SCUBE1: variants seen among roughly 807,000 people sequenced by gnomAD.
SCUBE1 encodes signal peptide, CUB domain and EGF like domain containing 1, also known as signal peptide, CUB and EGF-like domain-containing protein 1.
A neutral mutation model predicts 124.4 loss-of-function variants in SCUBE1; 59 were observed. The observed-to-expected ratio is 0.47, with a 90% CI of 0.38 to 0.59. The LOEUF is 0.59. Ranked by LOEUF, SCUBE1 falls within the 20% of genes least tolerant of loss-of-function variation. SCUBE1 has a pLI of 0.00. For missense variants in SCUBE1, 1,150 were observed against 1,371.2 expected (o/e 0.84, Z 2.55); for synonymous variants, 545 against 550.9 (o/e 0.99, Z 0.15).
chr22:43,316,725 T>A (rs1292752266), intron 3 of SCUBE1: 1 of 152,252 alleles, frequency 6.6e-6, no homozygotes, highest in Non-Finnish European at 1.5e-5. Context: ...TACCTTCTCT[T>A]TGAAGACCCC....
intron 21 of SCUBE1, among the ~76,000 whole-genome samples, chr22:43,206,074 A>G (rs1287680638): frequency 1.0e-5 from 1 of 96,088 alleles, no homozygotes; most frequent in African/African-American, 4.2e-5. Context: ...CCTCACCTCC[A>G]TCGACCATAC....
intron 6 of SCUBE1, among the ~76,000 whole-genome samples, chr22:43,241,785 T>C (rs1361955085): frequency 1.3e-5 from 2 of 152,220 alleles, no homozygotes; most frequent in African/African-American, 4.8e-5. Flanking sequence ...TTCAGACCAC[T>C]GTGTCATCCT....
intron 11 of SCUBE1, 143 bp downstream of exon 11, chr22:43,222,954 G>T: frequency 1.6e-6 from 2 of 1,229,138 alleles, no homozygotes; most frequent in Non-Finnish European, 2.2e-6. Flanking sequence ...AAACCAGACA[G>T]CTGCCTTAGG....
chr22:43,293,484 G>A (rs891744010), intron 3 of SCUBE1, among the ~76,000 whole-genome samples: 3 of 152,260 alleles, frequency 2.0e-5, no homozygotes, highest in Non-Finnish European at 2.9e-5. Flanking sequence ...CCAATGCTGC[G>A]AAGAGCCGGC....
chr22:43,287,766 G>C (rs1369914712), intron 4 of SCUBE1, among the ~76,000 whole-genome samples: 1 of 152,256 alleles, frequency 6.6e-6, no homozygotes, highest in African/African-American at 2.4e-5. Flanking sequence ...GGGAATCAGA[G>C]GTCACTTGTC....
rs1455310344 is a variant in SCUBE1 at position 43,319,925 on chromosome 22, T to G, written c.349+12A>C. On this transcript the variant is annotated intron_variant, in intron 3 of 21. Transcript: ENST00000360835. ...GTGTGCCCAGAGGGTAGGCTACAGC[T>G]GTATCACTCACCCAGGCAGTTGTGT... The G allele has an allele frequency of 1.2e-6, 2 of 1,613,822 alleles. No individual in the cohort carries two copies. Among genetic ancestry groups the G allele is most frequent in the East Asian group, 4.5e-5 (2 of 44,894 alleles).
In SCUBE1 at chr22:43,235,734, T is replaced by C. The variant is rs1922734140; in HGVS notation, c.844+3104A>G. 2.0e-5 allele frequency among the ~76,000 whole-genome samples: 3 copies of C among 152,248 alleles called. 1 individual carries two copies. The South Asian group carries it at 6.2e-4, about 32-fold the overall frequency. ...CCTGCTTCCTTCAGCTACAGTCACT[T>C]TCCCATCCTCCCAACTCCTCACTTG... On this transcript the variant is annotated intron_variant, in intron 7 of 21. Coordinates refer to ENST00000360835, the MANE Select transcript of SCUBE1 (RefSeq NM_173050.5).
intron 3 of SCUBE1, among the ~76,000 whole-genome samples, chr22:43,312,913 G>T (rs534614532): frequency 6.6e-6 from 1 of 152,200 alleles, no homozygotes; most frequent in Non-Finnish European, 1.5e-5. Flanking sequence ...ACTATGGGGC[G>T]GGGGTGGGCA....
At chr22:43,276,930 T>G (rs1924545794) in intron 4 of SCUBE1, among the ~76,000 whole-genome samples, 1 of 152,180 alleles carries the variant, frequency 6.6e-6, no homozygotes, top group Non-Finnish European at 1.5e-5. Context: ...CCTCAGCTTT[T>G]CCTGACTGCC....
intron 1 of SCUBE1, among the ~76,000 whole-genome samples, chr22:43,342,393 T>C (rs961303756): frequency 3.3e-5 from 5 of 152,030 alleles, no homozygotes; most frequent in African/African-American, 1.2e-4. Flanking sequence ...CCGGATCCTC[T>C]GCCTTCCTTC....
chr22:43,218,762 CAA>C (rs74884446), intron 14 of SCUBE1, among the ~76,000 whole-genome samples: 29,659 of 152,156 alleles, frequency 0.19, 3,849 homozygotes, highest in Middle Eastern at 0.33. Context: ...TTCTGTCACT[CAA>C]AGACTCTTGG....
intron 15 of SCUBE1, among the ~76,000 whole-genome samples, chr22:43,217,234 G>A (rs893317735): frequency 6.6e-6 from 1 of 150,760 alleles, no homozygotes. Flanking sequence ...TTGAGGCTTC[G>A]GACTTGTGGC....
intron 6 of SCUBE1, among the ~76,000 whole-genome samples, chr22:43,243,654 A>G (rs533910780): frequency 1.2e-4 from 19 of 152,346 alleles, no homozygotes; most frequent in African/African-American, 4.6e-4. Context: ...GTGGACATTA[A>G]GGGACAGGCG....
intron 4 of SCUBE1, among the ~76,000 whole-genome samples, chr22:43,285,958 G>T (rs1388228901): frequency 6.6e-6 from 1 of 152,226 alleles, no homozygotes; most frequent in Non-Finnish European, 1.5e-5. Context: ...GACAAAGCTG[G>T]CCTCTTGATC....
At chr22:43,320,113 C>T (rs754291730) in intron 2 of SCUBE1, 48 bp from the exon 3 acceptor site, 1 of 1,609,242 alleles carries the variant, frequency 6.2e-7, no homozygotes, top group Non-Finnish European at 8.5e-7. Context: ...GCCTGGTGGT[C>T]CCCTCTCCCA....
At chr22:43,269,471 C>T (rs566167684) in intron 4 of SCUBE1, among the ~76,000 whole-genome samples, 53 of 152,278 alleles carry the variant, frequency 3.5e-4, no homozygotes, top group Non-Finnish European at 6.2e-4. Flanking sequence ...CCGCCACGGT[C>T]GGATAACAAA....
intron 8 of SCUBE1, among the ~76,000 whole-genome samples, chr22:43,231,204 C>T (rs1922537902): frequency 6.6e-6 from 1 of 152,170 alleles, no homozygotes; most frequent in Non-Finnish European, 1.5e-5. Flanking sequence ...CGCTACTCAC[C>T]CCTCAGGCAT....
At chr22:43,318,108 C>T (rs988379205) in intron 3 of SCUBE1, 3 of 152,176 alleles carry the variant, frequency 2.0e-5, no homozygotes, top group Non-Finnish European at 4.4e-5. Flanking sequence ...GTTATTTAAG[C>T]CCTAGTTTGT....
chr22:43,246,615 C>T (rs566586365), intron 6 of SCUBE1, among the ~76,000 whole-genome samples: 3 of 152,254 alleles, frequency 2.0e-5, no homozygotes, highest in Non-Finnish European at 4.4e-5. Context: ...GCTTCGGTTT[C>T]CTTATCTGTA....
Sources: allele counts gnomAD v4.1 joint callset (sites outside exome capture counted in the v4.1 genomes callset), GRCh38; gene constraint gnomAD v4.1.1; transcripts MANE v1.5; gene names NCBI Gene and HGNC (gene_info 2026-07-23, HGNC 2026-07-21).